The following TRMU variants were observed in gnomAD, a reference collection of about 807,000 sequenced individuals.
TRMU encodes mitochondrial tRNA-specific 2-thiouridylase 1.
A neutral mutation model predicts 46.9 loss-of-function variants in TRMU; 49 were observed. The observed-to-expected ratio is 1.05, with a 90% CI of 0.83 to 1.33. The LOEUF is 1.33. Among genes scored for constraint, TRMU ranks in the 40% most tolerant of loss-of-function variants. TRMU has a pLI of 0.00. For synonymous variants in TRMU, 241 were observed against 200.9 expected (o/e 1.20, Z -1.69); for missense variants, 572 against 532.4 (o/e 1.07, Z -0.73).
At position 46,349,314 on chromosome 22, in the gene TRMU, G is replaced by A. The variant is rs926447816; in HGVS notation, c.479-977G>A. ...CGCCTCCACCTGCATCACTTTGGGC[G>A]AGTCATATGTGATGAACTGGGCCGG... On this transcript the variant is annotated intron_variant, in intron 4 of 10. Coordinates refer to ENST00000645190, the MANE Select transcript of TRMU (RefSeq NM_018006.5). The surrounding 1 kb of genome is among the most constrained non-coding windows in gnomAD (Gnocchi z 4.6). 6.6e-6 allele frequency among the ~76,000 whole-genome samples: 1 copy of A among 152,172 alleles called. No homozygotes were observed. Among genetic ancestry groups the A allele is most frequent in the African/African-American group, 2.4e-5 (1 of 41,442 alleles).
In TRMU at chr22:46,338,453, T is replaced by C. The variant is rs543979059; in HGVS notation, c.248+509T>C. Reference sequence around the variant, plus strand: ...TCTAGGAACATTAAGATGTCTTCACTGTGACCTGGCTCTGTAGGAGTTTGC... The same window carrying C: ...TCTAGGAACATTAAGATGTCTTCACCGTGACCTGGCTCTGTAGGAGTTTGC... On this transcript the variant is annotated intron_variant, in intron 2 of 10. Coordinates refer to ENST00000645190, the MANE Select transcript of TRMU (RefSeq NM_018006.5). The surrounding 1 kb of genome is among the most constrained non-coding windows in gnomAD (Gnocchi z 4.5). Among the ~76,000 whole-genome samples the C allele has an allele frequency of 1.8e-4, 27 of 152,394 alleles. 1 individual carries two copies. In the South Asian group the frequency reaches 3.5e-3, roughly 20 times the overall value.
chr22:46,352,087 T>C, intron 5 of TRMU, 34 bp from the exon 6 acceptor site: 1 of 1,611,746 alleles, frequency 6.2e-7, no homozygotes, highest in East Asian at 2.2e-5. Context: ...CCGCCACTTC[T>C]GCTCCTCTCA....
At chr22:46,343,463 G>T in intron 3 of TRMU, 95 bp downstream of exon 3, 1 of 925,082 alleles carries the variant, frequency 1.1e-6, no homozygotes, top group Non-Finnish European at 1.7e-6. Flanking sequence ...ATGACTCACT[G>T]CAGCCTCGAC....
At position 46,335,794 on chromosome 22, in the gene TRMU, C is replaced by G. The variant is rs776692221; in HGVS notation, c.30C>G (p.Ala10=). 2 of 1,562,418 alleles carry G rather than the reference C, an allele frequency of 1.3e-6. No homozygotes were observed. Among genetic ancestry groups the G allele is most frequent in the Non-Finnish European group, 1.7e-6 (2 of 1,158,962 alleles). Residue 10 remains alanine (A), a synonymous_variant, in exon 1 of 11, where the codon GCC becomes GCG. Coordinates refer to ENST00000645190, the MANE Select transcript of TRMU (RefSeq NM_018006.5). ...AGGCCTTGCGGCACGTCGTGTGCGC[C>G]CTGTCCGGCGGCGTGGACAGCGCCG... MQALRHVVC[A]LSGGVDSAVA...
chr22:46,344,790 T>G (rs1462193731), intron 3 of TRMU, among the ~76,000 whole-genome samples: 1 of 152,202 alleles, frequency 6.6e-6, no homozygotes, highest in Admixed American at 6.5e-5. Context: ...ATCCTGCGCT[T>G]TTTCTAGTAT....
Position 46,356,910 on chromosome 22 carries a change from C to T in TRMU, c.1170C>T (p.Ala390=). The change falls in exon 11 of 11, where the codon GCC becomes GCT. Residue 390 remains alanine (A), a synonymous_variant. Transcript: ENST00000645190. ...SGKILRLGPS[A]YTLQKGQRRA... is the part of the protein sequence containing the mutation. ...AGATCCTGCGGCTGGGGCCGTCTGCCTACACGCTCCAGAAGGGCCAGCGCA... is the reference window on the plus strand; with the variant it reads ...AGATCCTGCGGCTGGGGCCGTCTGCTTACACGCTCCAGAAGGGCCAGCGCA... The T allele has an allele frequency of 1.9e-6, 3 of 1,613,298 alleles. No individual in the cohort carries two copies. The highest frequency in any genetic ancestry group is 2.2e-5 in the East Asian group (1 of 44,886).
In TRMU at chr22:46,356,036, A is replaced by AGCTGTGCAG. The variant is rs753112330; in HGVS notation, c.1073_1081dup (p.Gln358_Val360dup). Reference sequence around the variant, plus strand: ...ATCAAGATGGCACCGTGTGGGTGACAGCTGTGCAGGCTGTGCGTGCCCTTG... The same window carrying AGCTGTGCAG: ...ATCAAGATGGCACCGTGTGGGTGACAGCTGTGCAGGCTGTGCAGGCTGTGCGTGCCCTTG... On this transcript the variant is annotated inframe_insertion, in exon 10 of 11. Coordinates refer to ENST00000645190, the MANE Select transcript of TRMU (RefSeq NM_018006.5). The AGCTGTGCAG allele has an allele frequency of 5.6e-5, 90 of 1,613,888 alleles. No individual in the cohort carries two copies. The highest frequency in any genetic ancestry group is 9.3e-5 in the African/African-American group (7 of 74,914).
In TRMU at chr22:46,343,173, T is replaced by TTC. The variant is rs57792309; in HGVS notation, c.249-88_249-87insCT. 0.17 allele frequency: 153,345 copies of TTC among 925,200 alleles called. 19,118 individuals are homozygous for TTC. The highest frequency in any genetic ancestry group is 0.56 in the African/African-American group (32,817 of 58,808). The allele number at this position is 925,200 out of a possible 1,614,324, so 57.3% of individuals were successfully genotyped here. ...ATAGTTTTGGTATGACAAGGGGAAA[T>TTC]TACATTAAACAAGCAATTTAGTGAA... On this transcript the variant is annotated intron_variant, in intron 2 of 10. Coordinates refer to ENST00000645190, the MANE Select transcript of TRMU (RefSeq NM_018006.5).
Position 46,340,529 on chromosome 22 carries a change from C to A in TRMU, c.248+2585C>A, listed in dbSNP as rs146024166. On this transcript the variant is annotated intron_variant, in intron 2 of 10. Coordinates refer to ENST00000645190, the MANE Select transcript of TRMU (RefSeq NM_018006.5). ...AATTAGGAGCGGAGCTGGGATTAAA[C>A]CCCAGAATTAGGAGCGGAGCTGGGA... 3.4e-3 allele frequency among the ~76,000 whole-genome samples: 476 copies of A among 139,470 alleles called. 5 individuals carry two copies. The highest frequency in any genetic ancestry group is 0.015 in the African/African-American group (450 of 30,356). 91.5% of individuals were successfully genotyped at this position (139,470 alleles called of 152,430 possible).
intron 2 of TRMU, 39 bp from the exon 3 acceptor site, chr22:46,343,223 T>A: frequency 1.4e-6 from 2 of 1,424,924 alleles, no homozygotes; most frequent in Non-Finnish European, 2.0e-6. Flanking sequence ...TTGAGGAATG[T>A]TTCACACTTG....
rs898328017 is a variant in TRMU at position 46,348,426 on chromosome 22, C to G, written c.479-1865C>G. 6.6e-6 allele frequency among the ~76,000 whole-genome samples: 1 copy of G among 152,134 alleles called. No individual in the cohort carries two copies. Among genetic ancestry groups the G allele is most frequent in the Admixed American group, 6.5e-5 (1 of 15,286 alleles). ...GGCACACTAAGGTTTCCATTTCATT[C>G]TTCTTCAGTTGCCCTGGCCCAGCCT... On this transcript the variant is annotated intron_variant, in intron 4 of 10. Coordinates refer to ENST00000645190, the MANE Select transcript of TRMU (RefSeq NM_018006.5). The surrounding 1 kb of genome is among the most constrained non-coding windows in gnomAD (Gnocchi z 4.8).
At position 46,356,030 on chromosome 22, in the gene TRMU, G is replaced by A. The variant is rs1304130032; in HGVS notation, c.1059G>A (p.Trp353Ter). 5 of 1,613,996 alleles carry A rather than the reference G, an allele frequency of 3.1e-6. No individual in the cohort carries two copies. The South Asian group carries it at 4.4e-5, about 14-fold the overall frequency. ...VLTLNQDGTVWVTAVQAVRAL... is the reference protein window; with the variant it reads ...VLTLNQDGTV ...CCCTCAATCAAGATGGCACCGTGTG[G>A]GTGACAGCTGTGCAGGCTGTGCGTG... The change falls in exon 10 of 11, where the codon TGG becomes TGA. Residue 353 changes from tryptophan (W) to a stop codon, truncating the protein, a stop_gained. Transcript: ENST00000645190. LOFTEE classifies it low-confidence loss of function (END_TRUNC).
At chr22:46,355,913 GCTC>G in intron 9 of TRMU, 74 bp from the exon 10 acceptor site, 8 of 1,539,854 alleles carry the variant, frequency 5.2e-6, no homozygotes, top group Non-Finnish European at 6.3e-6. Context: ...GTGGGCTGGT[GCTC>G]CTTTCTCCCT....
intron 9 of TRMU, 100 bp from the exon 10 acceptor site, chr22:46,355,890 G>C: frequency 7.3e-7 from 1 of 1,365,938 alleles, no homozygotes; most frequent in Non-Finnish European, 1.0e-6. Flanking sequence ...TCTAAGCAGG[G>C]GTTTTTGACC....
intron 2 of TRMU, among the ~76,000 whole-genome samples, chr22:46,340,806 C>T (rs915657835): frequency 6.6e-5 from 10 of 152,222 alleles, no homozygotes; most frequent in South Asian, 2.1e-4. Context: ...TGCTTGCTGC[C>T]GCCTTCTGGC....
At chr22:46,355,260 TG>T in intron 8 of TRMU, 183 bp from the exon 9 acceptor site, 2 of 861,922 alleles carry the variant, frequency 2.3e-6, no homozygotes, top group East Asian at 2.7e-5. Context: ...ATCTGTAAAA[TG>T]GGGATTCAAA....
At position 46,349,047 on chromosome 22, in the gene TRMU, G is replaced by C. The variant is rs2078334299; in HGVS notation, c.479-1244G>C. Reference sequence around the variant, plus strand: ...CCAGGTACTCTGGAGGCTGAGACAGGAGAATCACTTGAACCCAGGAGGCGG... The same window carrying C: ...CCAGGTACTCTGGAGGCTGAGACAGCAGAATCACTTGAACCCAGGAGGCGG... On this transcript the variant is annotated intron_variant, in intron 4 of 10. Transcript: ENST00000645190. This position sits in a 1 kb window ranked among gnomAD's most constrained non-coding sequence, Gnocchi z 4.6. 2.0e-5 allele frequency among the ~76,000 whole-genome samples: 3 copies of C among 151,894 alleles called. No individual in the cohort carries two copies. The South Asian group carries it at 6.2e-4, about 31-fold the overall frequency.
rs749682204 is a variant in TRMU, at chr22:46,343,411, G to T, written c.355+43G>T. ...AAAACATTTTTTTTTTTAAAGACAG[G>T]GTCTCGCTCTGTCACCCAGGCTGGA... is the stretch of plus-strand genomic sequence containing the variant. On this transcript the variant is annotated intron_variant, in intron 3 of 10. Coordinates refer to ENST00000645190, the MANE Select transcript of TRMU (RefSeq NM_018006.5). 9 of 1,431,622 alleles carry T rather than the reference G, an allele frequency of 6.3e-6. No homozygotes were observed. The East Asian group carries it at 2.1e-4, about 33-fold the overall frequency. The allele number at this position is 1,431,622 out of a possible 1,614,324, so 88.7% of individuals were successfully genotyped here.
intron 8 of TRMU, chr22:46,355,075 TGCG>T: frequency 2.8e-6 from 1 of 353,982 alleles, no homozygotes; most frequent in Non-Finnish European, 5.3e-6. Flanking sequence ...CCCCTGTCCC[TGCG>T]AATAGAAAAA....
Sources: gnomAD v4.1 joint callset for allele counts (sites outside exome capture counted in the v4.1 genomes callset) on GRCh38, gnomAD v4.1.1 for gene constraint, Gnocchi (gnomAD v3.1) non-coding constraint, MANE v1.5 for transcripts, NCBI Gene and HGNC (gene_info 2026-07-23, HGNC 2026-07-21) for gene names.